Variants in DOCK7 observed in about 807,000 individuals in gnomAD.
DOCK7 encodes dedicator of cytokinesis protein 7.
Under a neutral mutation model 271.0 loss-of-function variants are expected in DOCK7, and 138 were observed. That is an observed-to-expected ratio of 0.51 (90% CI 0.44 to 0.59). The LOEUF (loss-of-function observed/expected upper bound fraction) is 0.59, where lower values mean the gene tolerates loss of function less well. DOCK7 is among the 20% of genes least tolerant of loss of function. DOCK7 has a pLI of 0.00. For missense variants in DOCK7, 2,066 were observed against 2,592.4 expected (o/e 0.80, Z 4.41); for synonymous variants, 823 against 876.1 (o/e 0.94, Z 1.07).
intron 1 of DOCK7, among the ~76,000 whole-genome samples, chr1:62,667,628 T>A (rs1659467445): frequency 1.3e-5 from 2 of 152,010 alleles, no homozygotes; most frequent in African/African-American, 2.4e-5. Context: ...GGCAGGAGAA[T>A]CGCTTGAACC....
intron 37 of DOCK7, among the ~76,000 whole-genome samples, chr1:62,502,939 G>A (rs1367001229): frequency 1.3e-5 from 2 of 152,002 alleles, no homozygotes; most frequent in Admixed American, 1.3e-4. Flanking sequence ...GAAAATTAAA[G>A]AACAGGCAAA....
intron 31 of DOCK7, among the ~76,000 whole-genome samples, chr1:62,518,047 A>G (rs1557656847): frequency 6.6e-6 from 1 of 152,326 alleles, no homozygotes; most frequent in Non-Finnish European, 1.5e-5. Context: ...ACTCTTACAA[A>G]CATATACAAA....
In DOCK7 at chr1:62,475,395, C is replaced by T. The variant is rs199952492; in HGVS notation, c.5962-44G>A. 4.1e-4 allele frequency: 648 copies of T among 1,570,990 alleles called. 4 individuals carry two copies. In the African/African-American group the frequency reaches 8.1e-3, roughly 20 times the overall value. ...GTTAAATCAGTGTACTGACTGAAAA[C>T]TATTTAATGAACTTTATGTATAATC... is the stretch of plus-strand genomic sequence containing the variant. On this transcript the variant is annotated intron_variant, in intron 46 of 49. Coordinates refer to ENST00000635253, the MANE Select transcript of DOCK7 (RefSeq NM_001367561.1).
At position 62,618,885 on chromosome 1, in the gene DOCK7, A is replaced by T; in HGVS notation, c.1520-17T>A. 6.2e-7 allele frequency: 1 copy of T among 1,607,488 alleles called. No individual in the cohort carries two copies. On this transcript the variant is annotated splice_polypyrimidine_tract_variant and intron_variant, in intron 13 of 49. Transcript: ENST00000635253. ...TGAGCTGAGCTGCAAATTATATATTAAAAAACAATGTAAAGACAATAAAAA... is the reference window on the plus strand; with the variant it reads ...TGAGCTGAGCTGCAAATTATATATTTAAAAACAATGTAAAGACAATAAAAA...
chr1:62,518,338 G>C (rs1644736040), intron 31 of DOCK7, among the ~76,000 whole-genome samples: 1 of 152,174 alleles, frequency 6.6e-6, no homozygotes, highest in African/African-American at 2.4e-5. Context: ...TTGGGAGGTT[G>C]AGGTGGGTGG....
intron 37 of DOCK7, among the ~76,000 whole-genome samples, chr1:62,499,695 C>T (rs1450211796): frequency 1.3e-5 from 2 of 151,794 alleles, no homozygotes; most frequent in Non-Finnish European, 2.9e-5. Context: ...GCAACAGAGA[C>T]AGATCCTGTT....
At chr1:62,526,749 G>T (rs921190410) in intron 31 of DOCK7, among the ~76,000 whole-genome samples, 1 of 151,926 alleles carries the variant, frequency 6.6e-6, no homozygotes, top group African/African-American at 2.4e-5. Context: ...CAATAAAAAA[G>T]GAAAGAAGTA....
chr1:62,578,882 A>G lies in DOCK7; in HGVS notation c.1956T>C (p.His652=), dbSNP rs1647023268. The change falls in exon 17 of 50, where the codon CAT becomes CAC. Residue 652 remains histidine, a synonymous_variant. Coordinates refer to ENST00000635253, the MANE Select transcript of DOCK7 (RefSeq NM_001367561.1). ...DHHHLLFTFY[H]VSCQQKQNTP... ...TATTTTGTTTTTGTTGACAACTAACATGATAAAAAGTAAAAAGCAAGTGAT... is the reference window on the plus strand; with the variant it reads ...TATTTTGTTTTTGTTGACAACTAACGTGATAAAAAGTAAAAAGCAAGTGAT... 2 of 1,609,696 alleles carry G rather than the reference A, an allele frequency of 1.2e-6. No individual in the cohort carries two copies.
At chr1:62,669,111 C>T (rs931248230) in intron 1 of DOCK7, among the ~76,000 whole-genome samples, 5 of 152,088 alleles carry the variant, frequency 3.3e-5, no homozygotes, top group Non-Finnish European at 5.9e-5. Context: ...GACACTCCTC[C>T]CTATACTTTC....
Position 62,662,968 on chromosome 1 carries a change from T to TC in DOCK7, c.144+56dup. ...TAGCTCTTATCTTTCCACTATTTTT[T>TC]CATGGCCTAGTCAATCATACACCAA... On this transcript the variant is annotated intron_variant, in intron 2 of 49. Transcript: ENST00000635253. 3 of 1,384,244 alleles carry TC rather than the reference T, an allele frequency of 2.2e-6. No individual in the cohort carries two copies. In the South Asian group the frequency reaches 3.7e-5, roughly 17 times the overall value. 85.7% of individuals were successfully genotyped at this position (1,384,244 alleles called of 1,614,324 possible). A position where few individuals can be genotyped will look rare whatever the true frequency, so the allele number is the denominator to read the frequency against.
At chr1:62,522,390 G>A (rs1341613283) in intron 31 of DOCK7, among the ~76,000 whole-genome samples, 1 of 151,946 alleles carries the variant, frequency 6.6e-6, no homozygotes. Flanking sequence ...TTTAACACTA[G>A]AAAATCAATT....
intron 48 of DOCK7, among the ~76,000 whole-genome samples, chr1:62,469,683 T>C (rs1645774129): frequency 6.6e-6 from 1 of 152,066 alleles, no homozygotes; most frequent in Non-Finnish European, 1.5e-5. Context: ...AGGACTAATA[T>C]CCAGAATCTA....
At chr1:62,592,283 C>CACTT (rs1384160644) in intron 14 of DOCK7, among the ~76,000 whole-genome samples, 6 of 151,922 alleles carry the variant, frequency 3.9e-5, no homozygotes, top group Non-Finnish European at 7.4e-5. Context: ...AGGTAGTTGA[C>CACTT]ACTTAGCAGG....
intron 14 of DOCK7, chr1:62,604,482 T>TTGGGACTTATACAGATTATTTAAAAC: frequency 2.1e-6 from 2 of 931,732 alleles, no homozygotes; most frequent in Non-Finnish European, 3.2e-6. Flanking sequence ...TTATTTAAAA[T>TTGGGACTTATACAGATTATTTAAAAC]TGGGACTTAT....
intron 1 of DOCK7, among the ~76,000 whole-genome samples, chr1:62,666,984 G>A (rs930761945): frequency 1.7e-4 from 26 of 152,306 alleles, no homozygotes; most frequent in African/African-American, 6.0e-4. Context: ...GAAAGCATCC[G>A]CTCAGGCCAT....
At chr1:62,528,107 T>C in intron 31 of DOCK7, 44 bp downstream of exon 31, 2 of 1,573,216 alleles carry the variant, frequency 1.3e-6, no homozygotes, top group Non-Finnish European at 1.7e-6. Flanking sequence ...TAGTAAATAT[T>C]TGTCTTTCTA....
At chr1:62,506,822 C>T (rs1452524609) in intron 35 of DOCK7, among the ~76,000 whole-genome samples, 1 of 150,542 alleles carries the variant, frequency 6.6e-6, no homozygotes. Context: ...TGGCGCATGC[C>T]TGTAATCCCA....
intron 14 of DOCK7, chr1:62,597,677 T>C (rs756096244): frequency 1.2e-6 from 2 of 1,613,454 alleles, no homozygotes; most frequent in African/African-American, 2.7e-5. Context: ...AATCAAGATT[T>C]GCTATGTTAG....
At chr1:62,536,885 A>C (rs1176390236) in intron 28 of DOCK7, among the ~76,000 whole-genome samples, 2 of 152,160 alleles carry the variant, frequency 1.3e-5, no homozygotes, top group African/African-American at 2.4e-5. Context: ...AAACCACAAA[A>C]TCTCTTCATC....
Sources: gnomAD v4.1 joint callset for allele counts (sites outside exome capture counted in the v4.1 genomes callset) on GRCh38, gnomAD v4.1.1 for gene constraint, MANE v1.5 for transcripts, NCBI Gene and HGNC (gene_info 2026-07-23, HGNC 2026-07-21) for gene names.